The following MARK1 variants were observed in gnomAD, a reference collection of about 807,000 sequenced individuals.
MARK1 encodes the protein serine/threonine-protein kinase MARK1.
In MARK1, 40 loss-of-function variants were observed where a neutral mutation model predicts 96.3. The observed-to-expected ratio is 0.42, with a 90% CI of 0.32 to 0.54. The LOEUF is 0.54. MARK1 is among the 20% of genes least tolerant of loss of function. The pLI is 0.16. For missense variants in MARK1, 719 were observed against 984.6 expected, an observed-to-expected ratio of 0.73 and a Z score of 3.61; for synonymous variants, 317 against 341.2, an observed-to-expected ratio of 0.93 and a Z score of 0.78.
intron 12 of MARK1, 59 bp downstream of exon 12, chr1:220,635,588 T>G: frequency 6.4e-7 from 1 of 1,554,414 alleles, no homozygotes; most frequent in East Asian, 2.2e-5. Flanking sequence ...ATTTGTGTTT[T>G]TAAAGCATTG....
chr1:220,586,012 C>CGCACGCGT (rs1553322987), intron 3 of MARK1, among the ~76,000 whole-genome samples: 2 of 48,430 alleles, frequency 4.1e-5, no homozygotes, highest in Non-Finnish European at 1.1e-4. Context: ...CACACACACA[C>CGCACGCGT]GCGCGCGTGC....
Position 220,579,282 on chromosome 1 carries a change from T to G in MARK1, c.52-72T>G, listed in dbSNP as rs192111336. 7.1e-3 allele frequency: 7,102 copies of G among 997,666 alleles called. 32 individuals carry two copies. The highest frequency in any genetic ancestry group is 9.7e-3 in the Non-Finnish European group (6,324 of 653,322). The allele number at this position is 997,666 out of a possible 1,614,324, so 61.8% of individuals were successfully genotyped here. A position where few individuals can be genotyped will look rare whatever the true frequency, so the allele number is the denominator to read the frequency against. On this transcript the variant is annotated intron_variant, in intron 1 of 17. Coordinates refer to ENST00000366917, the MANE Select transcript of MARK1 (RefSeq NM_018650.5). Reference sequence around the variant, plus strand: ...ATTGAAGAATTGGTAATAATAATTATTTGTACTCTTTTTACTTGTCCTTTT... The same window carrying G: ...ATTGAAGAATTGGTAATAATAATTAGTTGTACTCTTTTTACTTGTCCTTTT...
intron 3 of MARK1, among the ~76,000 whole-genome samples, chr1:220,584,841 A>G (rs1305449626): frequency 6.6e-6 from 1 of 152,224 alleles, no homozygotes; most frequent in East Asian, 1.9e-4. Context: ...AAATGTCACT[A>G]TTGGACATAT....
intron 1 of MARK1, chr1:220,572,101 A>G (rs192789648): frequency 6.6e-6 from 1 of 152,354 alleles, no homozygotes; most frequent in East Asian, 1.9e-4. Context: ...GAGAACTAAA[A>G]TATCTATGGA....
chr1:220,583,083 A>T (rs891737002), intron 3 of MARK1, among the ~76,000 whole-genome samples: 9 of 152,218 alleles, frequency 5.9e-5, no homozygotes, highest in African/African-American at 1.9e-4. Flanking sequence ...CATACTTAAA[A>T]AGTAATGGAA....
chr1:220,530,040 A>T (rs1381934470), intron 1 of MARK1, among the ~76,000 whole-genome samples: 1 of 152,178 alleles, frequency 6.6e-6, no homozygotes. Flanking sequence ...AAAAGGCATG[A>T]GAGAAAGGAT....
rs1669555178 is a variant in MARK1, at chr1:220,662,956, A to G, written c.*790A>G. ...CTGTAGCAACAAAATTTAAAAGAAA[A>G]AAAACATACTTTATCTGGCTATTAT... On this transcript the variant is annotated 3_prime_UTR_variant, in exon 18 of 18. Coordinates refer to ENST00000366917, the MANE Select transcript of MARK1 (RefSeq NM_018650.5). The G allele has an allele frequency of 6.5e-6, 1 of 152,676 alleles. No individual in the cohort carries two copies. The highest frequency in any genetic ancestry group is 2.4e-5 in the African/African-American group (1 of 41,462). The allele number at this position is 152,676 out of a possible 1,614,324, so 9.5% of individuals were successfully genotyped here.
At chr1:220,630,243 A>G (rs1023260585) in intron 9 of MARK1, among the ~76,000 whole-genome samples, 1 of 152,264 alleles carries the variant, frequency 6.6e-6, no homozygotes, top group Admixed American at 6.5e-5. Flanking sequence ...CCACTTATGT[A>G]TCTTTTTTGG....
intron 9 of MARK1, among the ~76,000 whole-genome samples, chr1:220,630,280 A>AT (rs1324385571): frequency 6.6e-6 from 1 of 152,080 alleles, no homozygotes; most frequent in Non-Finnish European, 1.5e-5. Flanking sequence ...TACTTTGCCC[A>AT]TTTTTTATTC....
intron 1 of MARK1, among the ~76,000 whole-genome samples, chr1:220,537,791 A>T (rs1223383746): frequency 6.6e-6 from 1 of 151,744 alleles, no homozygotes; most frequent in Non-Finnish European, 1.5e-5. Flanking sequence ...AACTGGTGTG[A>T]GATGGTATCT....
At chr1:220,623,468 T>C (rs748900660) in intron 9 of MARK1, among the ~76,000 whole-genome samples, 1 of 152,224 alleles carries the variant, frequency 6.6e-6, no homozygotes, top group Non-Finnish European at 1.5e-5. Context: ...CTTTCCAACC[T>C]TTATCTTCCA....
intron 3 of MARK1, among the ~76,000 whole-genome samples, chr1:220,589,160 T>G (rs1664828185): frequency 6.6e-6 from 1 of 152,158 alleles, no homozygotes. Context: ...TCCTGTGACA[T>G]TGATGAGACC....
At chr1:220,596,514 T>A (rs1665365156) in intron 3 of MARK1, among the ~76,000 whole-genome samples, 1 of 152,216 alleles carries the variant, frequency 6.6e-6, no homozygotes, top group African/African-American at 2.4e-5. Context: ...ATGGACTTTA[T>A]AAAAATTTAT....
chr1:220,547,118 C>G (rs1286181329), intron 1 of MARK1, among the ~76,000 whole-genome samples: 1 of 152,154 alleles, frequency 6.6e-6, no homozygotes, highest in Non-Finnish European at 1.5e-5. Flanking sequence ...CATTTTGGTA[C>G]CTACTTACCT....
At chr1:220,576,067 A>G (rs992700944) in intron 1 of MARK1, among the ~76,000 whole-genome samples, 3 of 5,978 alleles carry the variant, frequency 5.0e-4, no homozygotes, top group African/African-American at 1.9e-3. Context: ...TCTGATAAGA[A>G]TCTTCCAATT....
At chr1:220,607,649 G>T (rs1443171048) in intron 6 of MARK1, among the ~76,000 whole-genome samples, 3 of 152,082 alleles carry the variant, frequency 2.0e-5, no homozygotes, top group African/African-American at 7.2e-5. Context: ...TATGGGGAAT[G>T]CTTCCAGTTT....
In MARK1 at chr1:220,635,857, T is replaced by C; in HGVS notation, c.1301T>C (p.Val434Ala). The stretch of plus-strand genomic sequence containing the variant: ...GCTGGTCCATCCATTCCTCCTGCTG[T>C]ATCATATACCAAAAGACCTCAGGCT... ...DHAGPSIPPA[V>A]SYTKRPQANS... Residue 434 changes from valine (V) to alanine (A), a missense_variant, in exon 13 of 18, where the codon GTA becomes GCA. Physicochemically the swap from Val to Ala is moderately conservative, Grantham distance 64. This residue lies in a region of MARK1 where 501 missense variants were observed against 588.3 expected (regional missense o/e 0.85). Coordinates refer to ENST00000366917, the MANE Select transcript of MARK1 (RefSeq NM_018650.5). The C allele has an allele frequency of 1.2e-6, 2 of 1,607,886 alleles. No homozygotes were observed. Among genetic ancestry groups the C allele is most frequent in the South Asian group, 1.1e-5 (1 of 89,474 alleles).
intron 6 of MARK1, among the ~76,000 whole-genome samples, chr1:220,606,964 C>T (rs1020963719): frequency 6.6e-6 from 1 of 152,076 alleles, no homozygotes; most frequent in Non-Finnish European, 1.5e-5. Context: ...ATGATGCCTC[C>T]AGGTTTGTTC....
intron 1 of MARK1, among the ~76,000 whole-genome samples, chr1:220,550,961 C>T (rs1028825289): frequency 6.6e-6 from 1 of 152,196 alleles, no homozygotes; most frequent in Non-Finnish European, 1.5e-5. Context: ...ATAGTTGCTG[C>T]TTCAGAGTCT....
Sources: allele counts gnomAD v4.1 joint callset (sites outside exome capture counted in the v4.1 genomes callset), GRCh38; gene constraint gnomAD v4.1.1; regional missense constraint gnomAD v4.1.1; transcripts MANE v1.5; gene names NCBI Gene and HGNC (gene_info 2026-07-23, HGNC 2026-07-21).